Variants in FGF12 observed in about 807,000 individuals in gnomAD.
FGF12 encodes fibroblast growth factor 12B.
Under a neutral mutation model 23.6 loss-of-function variants are expected in FGF12, and 14 were observed. The ratio of observed to expected loss-of-function variants is 0.59; its 90% CI spans 0.39 to 0.93. FGF12 has a LOEUF of 0.93. Among genes scored for constraint, FGF12 ranks in the 40% least tolerant of loss-of-function variants. The probability of loss-of-function intolerance (pLI) is 0.00; values close to 1 mark genes in which losing one functional copy is unlikely to be tolerated. For missense variants in FGF12, 175 were observed against 217.8 expected (o/e 0.80, Z 1.24); for synonymous variants, 62 against 77.3 (o/e 0.80, Z 1.04).
intron 2 of FGF12, among the ~76,000 whole-genome samples, chr3:192,633,420 A>G (rs1048658673): frequency 1.3e-5 from 2 of 152,004 alleles, no homozygotes; most frequent in African/African-American, 2.4e-5. Flanking sequence ...TCAGGATCCT[A>G]TTTCCAAATA....
chr3:192,510,306 C>T (rs1178362355), intron 2 of FGF12, among the ~76,000 whole-genome samples: 1 of 152,180 alleles, frequency 6.6e-6, no homozygotes, highest in East Asian at 1.9e-4. Context: ...TGATTTAAAA[C>T]TGGTCAAAAG....
chr3:192,566,191 C>T (rs1029421230), intron 2 of FGF12, among the ~76,000 whole-genome samples: 1 of 152,200 alleles, frequency 6.6e-6, no homozygotes, highest in Non-Finnish European at 1.5e-5. Flanking sequence ...AACTTGCCTC[C>T]GGTTACCAAA....
intron 4 of FGF12, among the ~76,000 whole-genome samples, chr3:192,271,885 AG>A (rs1483137268): frequency 6.6e-6 from 1 of 152,198 alleles, no homozygotes; most frequent in Admixed American, 6.6e-5. Context: ...AGAATTTCCC[AG>A]GCTACAGACT....
At chr3:192,496,139 C>G (rs187263065) in intron 2 of FGF12, among the ~76,000 whole-genome samples, 127 of 152,280 alleles carry the variant, frequency 8.3e-4, no homozygotes, top group Non-Finnish European at 7.8e-4. Context: ...AGGAGAAATT[C>G]AAAACCAAGA....
rs372652623 is a variant in FGF12, at chr3:192,711,487, C to T, written c.13+15694G>A. Among the ~76,000 whole-genome samples, 158 of 151,992 alleles carry T rather than the reference C, an allele frequency of 1.0e-3. 2 individuals are homozygous for T. The East Asian group carries it at 0.024, about 23-fold the overall frequency. ...TGAGAACGGGCCATGATGAAGATGG[C>T]GGTTTTGTCGAATAGAAAAGGGGGA... On this transcript the variant is annotated intron_variant, in intron 2 of 5. Coordinates refer to ENST00000445105, the MANE Select transcript of FGF12 (RefSeq NM_004113.6).
At chr3:192,198,747 T>A (rs1313570802) in intron 4 of FGF12, among the ~76,000 whole-genome samples, 1 of 152,228 alleles carries the variant, frequency 6.6e-6, no homozygotes, top group Non-Finnish European at 1.5e-5. Flanking sequence ...AACTAAGGAA[T>A]GTTTTGAAAA....
intron 2 of FGF12, among the ~76,000 whole-genome samples, chr3:192,672,751 T>C (rs1717173171): frequency 1.3e-5 from 2 of 150,972 alleles, no homozygotes; most frequent in African/African-American, 4.8e-5. Context: ...ATCAAGGCCA[T>C]AGAAATATGC....
rs573198425 is a variant in FGF12, at chr3:192,359,583, G to T, written c.124+845C>A. ...GACATGAATTTGCCCTCAGGTATCT[G>T]TATATGATTATGCAGAATTTGAAAG... is the stretch of plus-strand genomic sequence containing the variant. On this transcript the variant is annotated intron_variant, in intron 3 of 5. Transcript: ENST00000445105. Among the ~76,000 whole-genome samples, 4 of 152,248 alleles carry T rather than the reference G, an allele frequency of 2.6e-5. No individual in the cohort carries two copies. In the South Asian group the frequency reaches 6.2e-4, roughly 24 times the overall value.
intron 4 of FGF12, among the ~76,000 whole-genome samples, chr3:192,328,362 C>A (rs991721913): frequency 2.0e-5 from 3 of 152,156 alleles, no homozygotes; most frequent in Non-Finnish European, 4.4e-5. Flanking sequence ...ATGAATGAAT[C>A]CTGCCTACGT....
At chr3:192,269,048 G>T (rs1002576801) in intron 4 of FGF12, among the ~76,000 whole-genome samples, 3 of 152,076 alleles carry the variant, frequency 2.0e-5, no homozygotes, top group Non-Finnish European at 4.4e-5. Flanking sequence ...CCTAGTAGCT[G>T]GGATTACAGG....
chr3:192,406,401 T>C (rs1046680383), intron 2 of FGF12, among the ~76,000 whole-genome samples: 4 of 152,164 alleles, frequency 2.6e-5, no homozygotes, highest in African/African-American at 9.6e-5. Context: ...GATTGAGATA[T>C]AAAAGTCACA....
At chr3:192,442,983 A>G (rs1053449047) in intron 2 of FGF12, among the ~76,000 whole-genome samples, 2 of 151,728 alleles carry the variant, frequency 1.3e-5, no homozygotes, top group Non-Finnish European at 2.9e-5. Flanking sequence ...AATTTTTTGT[A>G]TTTTTAGTAG....
chr3:192,232,453 A>G (rs573814734), intron 4 of FGF12, among the ~76,000 whole-genome samples: 2 of 152,290 alleles, frequency 1.3e-5, no homozygotes, highest in Admixed American at 6.5e-5. Flanking sequence ...CATAATTTGT[A>G]TAATTCCATA....
At chr3:192,711,273 T>A (rs531066726) in intron 2 of FGF12, among the ~76,000 whole-genome samples, 15 of 129,838 alleles carry the variant, frequency 1.2e-4, no homozygotes, top group Non-Finnish European at 2.0e-4. Context: ...AGCCGCCCCG[T>A]CCGGGAGGGA....
At chr3:192,440,717 T>A (rs926566807) in intron 2 of FGF12, among the ~76,000 whole-genome samples, 2 of 152,202 alleles carry the variant, frequency 1.3e-5, no homozygotes, top group Non-Finnish European at 2.9e-5. Context: ...TCTTTACTCT[T>A]CTAAGACATA....
chr3:192,496,992 C>A (rs28706962), intron 2 of FGF12, among the ~76,000 whole-genome samples: 13 of 152,152 alleles, frequency 8.5e-5, no homozygotes, highest in African/African-American at 3.1e-4. Context: ...TTCTGTGGTC[C>A]TAAATACCAT....
At chr3:192,267,349 G>GC (rs1261564061) in intron 4 of FGF12, among the ~76,000 whole-genome samples, 1 of 152,102 alleles carries the variant, frequency 6.6e-6, no homozygotes, top group East Asian at 1.9e-4. Context: ...TATAGCTGCA[G>GC]CCCCCGTCTA....
At chr3:192,715,293 C>G (rs2108742677) in intron 2 of FGF12, among the ~76,000 whole-genome samples, 1 of 152,308 alleles carries the variant, frequency 6.6e-6, no homozygotes, top group Non-Finnish European at 1.5e-5. Context: ...TCTACTGTGT[C>G]CTGTCCCAAC....
intron 2 of FGF12, among the ~76,000 whole-genome samples, chr3:192,391,709 T>C (rs1294571726): frequency 6.6e-6 from 1 of 152,208 alleles, no homozygotes; most frequent in African/African-American, 2.4e-5. Context: ...CTCAAATAAA[T>C]TCTTTCCATA....
Sources: gnomAD v4.1 joint callset for allele counts (sites outside exome capture counted in the v4.1 genomes callset) on GRCh38, gnomAD v4.1.1 for gene constraint, MANE v1.5 for transcripts, NCBI Gene and HGNC (gene_info 2026-07-23, HGNC 2026-07-21) for gene names.